AMN: variants seen among roughly 807,000 people sequenced by gnomAD.
AMN encodes the protein protein amnionless.
In AMN, 40 loss-of-function variants were observed where a neutral mutation model predicts 49.1. That is an observed-to-expected ratio of 0.81 (90% CI 0.63 to 1.06). AMN has a LOEUF of 1.06. Among genes scored for constraint, AMN ranks in the 50% least tolerant of loss-of-function variants. The probability of loss-of-function intolerance (pLI) is 0.00; values close to 1 mark genes in which losing one functional copy is unlikely to be tolerated. For synonymous variants in AMN, 380 were observed against 313.3 expected, an observed-to-expected ratio of 1.21 and a Z score of -2.25; for missense variants, 701 against 662.8, an observed-to-expected ratio of 1.06 and a Z score of -0.63.
At chr14:102,929,021 G>A (rs1160817413) in intron 5 of AMN, 46 bp downstream of exon 5, 1 of 1,594,520 alleles carries the variant, frequency 6.3e-7, no homozygotes, top group South Asian at 1.1e-5. Context: ...TCCCCACCTC[G>A]GCCCGACCCC....
In AMN at chr14:102,929,100, T is replaced by TG. The variant is rs749262808; in HGVS notation, c.514-17dup. The TG allele has an allele frequency of 4.4e-5, 70 of 1,597,520 alleles. No individual in the cohort carries two copies. The East Asian group carries it at 1.5e-3, about 35-fold the overall frequency. Reference sequence around the variant, plus strand: ...AGTCTCTTCCTCGGGCTGGCTCCGGTGGGGACCCGGCTGCCCGCAGACGTT... The same window carrying TG: ...AGTCTCTTCCTCGGGCTGGCTCCGGTGGGGGACCCGGCTGCCCGCAGACGTT... On this transcript the variant is annotated intron_variant, in intron 5 of 11. Coordinates refer to ENST00000299155, the MANE Select transcript of AMN (RefSeq NM_030943.4).
intron 3 of AMN, among the ~76,000 whole-genome samples, chr14:102,926,041 G>A (rs1891179775): frequency 6.6e-6 from 1 of 152,108 alleles, no homozygotes; most frequent in Non-Finnish European, 1.5e-5. Flanking sequence ...TTTCTTGTTG[G>A]GGGAGTCTCC....
chr14:102,929,821 C>T, intron 8 of AMN, 84 bp downstream of exon 8: 1 of 1,542,888 alleles, frequency 6.5e-7, no homozygotes, highest in South Asian at 1.2e-5. Flanking sequence ...TGCAGGGTCC[C>T]TGCGGCTGCT....
Position 102,930,046 on chromosome 14 carries a change from G to A in AMN, c.966G>A (p.Gly322=). The change falls in exon 9 of 12, where the codon GGG becomes GGA. Residue 322 remains glycine (G), a synonymous_variant. Coordinates refer to ENST00000299155, the MANE Select transcript of AMN (RefSeq NM_030943.4). ...ATGGGCCCGAGACAGGCGGAGCGGG[G>A]CGGCTGGCCCGGGCCCTCCTGGCGG... ...VENGPETGGA[G]RLARALLADV... The A allele has an allele frequency of 6.5e-7, 1 of 1,548,636 alleles. No individual in the cohort carries two copies. The highest frequency in any genetic ancestry group is 8.7e-7 in the Non-Finnish European group (1 of 1,147,200).
chr14:102,925,140 G>A (rs1039459936), intron 3 of AMN, among the ~76,000 whole-genome samples: 6 of 152,176 alleles, frequency 3.9e-5, no homozygotes, highest in African/African-American at 9.6e-5. Flanking sequence ...CCTGGGCTGC[G>A]TCCTCATCCT....
rs554429778 is a variant in AMN, at chr14:102,928,682, CGCGTG to C, written c.296-54_296-50del. The C allele has an allele frequency of 1.6e-3, 2,501 of 1,536,246 alleles. 13 individuals carry two copies. The highest frequency in any genetic ancestry group is 0.012 in the Middle Eastern group (71 of 5,806). ...CGGGGCTTGGGAGGTCGTGCTCAGA[CGCGTG>C]GCGTGGCGTGGCGTGGCGTGGTGTG... On this transcript the variant is annotated intron_variant, in intron 4 of 11. Coordinates refer to ENST00000299155, the MANE Select transcript of AMN (RefSeq NM_030943.4).
rs766844588 is a variant in AMN, at chr14:102,928,972, C to A, written c.510C>A (p.Gly170=). 1 of 1,598,548 alleles carries A rather than the reference C, an allele frequency of 6.3e-7. No individual in the cohort carries two copies. Among genetic ancestry groups the A allele is most frequent in the South Asian group, 1.1e-5 (1 of 90,992 alleles). ...GTGTCCGCAGCATCTCGGCTCTGGG[C>A]CGGGTGAGCACTGAGGGGAGGGAGG... ...PVRVRSISAL[G]RTFTRDEDLA... is the part of the protein sequence containing the mutation. Residue 170 remains glycine (G), a synonymous_variant, in exon 5 of 12, where the codon GGC becomes GGA. Coordinates refer to ENST00000299155, the MANE Select transcript of AMN (RefSeq NM_030943.4).
rs979465737 is a variant in AMN at position 102,928,770 on chromosome 14, T to C, written c.308T>C (p.Val103Ala). 1.2e-6 allele frequency: 2 copies of C among 1,608,376 alleles called. No individual in the cohort carries two copies. The highest frequency in any genetic ancestry group is 2.2e-5 in the East Asian group (1 of 44,850). ...HLDCGAGEPA[V>A]FRDSDRFSWH... The stretch of plus-strand genomic sequence containing the variant: ...TGCTCCGGCTCAGGCGAACCTGCCG[T>C]CTTCCGCGACTCTGACCGCTTCTCC... Residue 103 changes from valine (V) to alanine (A), a missense_variant, in exon 5 of 12, where the codon GTC becomes GCC. Transcript: ENST00000299155.
At position 102,930,694 on chromosome 14, in the gene AMN, C is replaced by CGTCG; in HGVS notation, c.*15_*18dup. 1 of 1,566,940 alleles carries CGTCG rather than the reference C, an allele frequency of 6.4e-7. No individual in the cohort carries two copies. Among genetic ancestry groups the CGTCG allele is most frequent in the African/African-American group, 1.4e-5 (1 of 73,878 alleles). On this transcript the variant is annotated 3_prime_UTR_variant, in exon 12 of 12. Transcript: ENST00000299155. ...GCCGAGGCCTGAGCGGCCGCCTGAC[C>CGTCG]GTCGACCTTGGGGCTCTCCACCCGC... is the stretch of plus-strand genomic sequence containing the variant.
chr14:102,923,516 T>C (rs2139300454), intron 1 of AMN, 195 bp from the exon 2 acceptor site: 4 of 616,760 alleles, frequency 6.5e-6, no homozygotes, highest in South Asian at 1.8e-5. Context: ...TAGAAGTCCG[T>C]TGGAGAGCGC....
intron 9 of AMN, 28 bp downstream of exon 9, chr14:102,930,114 G>A (rs1269034719): frequency 6.6e-7 from 1 of 1,505,938 alleles, no homozygotes; most frequent in Non-Finnish European, 8.8e-7. Flanking sequence ...ATCCCGCCCC[G>A]CCGCGCCTCG....
Position 102,923,751 on chromosome 14 carries a change from G to A in AMN, c.84G>A (p.Thr28=), listed in dbSNP as rs1466305742. Residue 28 remains threonine, a synonymous_variant, in exon 2 of 12, where the codon ACG becomes ACA. Coordinates refer to ENST00000299155, the MANE Select transcript of AMN (RefSeq NM_030943.4). ...QAVSKLWVPN[T]DFDVAANWSQ... is the part of the protein sequence containing the mutation. Reference sequence around the variant, plus strand: ...TCTCCAAACTCTGGGTCCCCAACACGGACTTCGACGTCGCAGCCAACTGGA... The same window carrying A: ...TCTCCAAACTCTGGGTCCCCAACACAGACTTCGACGTCGCAGCCAACTGGA... The A allele has an allele frequency of 1.9e-6, 3 of 1,612,668 alleles. No homozygotes were observed. The highest frequency in any genetic ancestry group is 2.5e-6 in the Non-Finnish European group (3 of 1,179,866).
chr14:102,929,645 C>T lies in AMN; in HGVS notation c.761-10C>T. Reference sequence around the variant, plus strand: ...GATCCACGGCGCTGACCCCTGCCCTCCCGCCGCAGGAGCCGTTGTGTTGCT... The same window carrying T: ...GATCCACGGCGCTGACCCCTGCCCTTCCGCCGCAGGAGCCGTTGTGTTGCT... On this transcript the variant is annotated splice_polypyrimidine_tract_variant and intron_variant, in intron 7 of 11. Transcript: ENST00000299155. 6 of 1,549,014 alleles carry T rather than the reference C, an allele frequency of 3.9e-6. No homozygotes were observed. The highest frequency in any genetic ancestry group is 5.2e-6 in the Non-Finnish European group (6 of 1,146,848).
At chr14:102,929,056 G>T in intron 5 of AMN, 65 bp from the exon 6 acceptor site, 2 of 1,597,032 alleles carry the variant, frequency 1.3e-6, no homozygotes, top group South Asian at 2.2e-5. Flanking sequence ...GCACACGTTG[G>T]GTCTGAGCAC....
Position 102,928,769 on chromosome 14 carries a change from G to T in AMN, c.307G>T (p.Val103Phe). The T allele has an allele frequency of 6.2e-7, 1 of 1,608,242 alleles. No individual in the cohort carries two copies. The highest frequency in any genetic ancestry group is 8.5e-7 in the Non-Finnish European group (1 of 1,179,702). Residue 103 changes from valine (V) to phenylalanine (F), a missense_variant, in exon 5 of 12, where the codon GTC (valine) becomes TTC (phenylalanine). Coordinates refer to ENST00000299155, the MANE Select transcript of AMN (RefSeq NM_030943.4). ...HLDCGAGEPA[V>F]FRDSDRFSWH... ...GTGCTCCGGCTCAGGCGAACCTGCC[G>T]TCTTCCGCGACTCTGACCGCTTCTC...
intron 1 of AMN, 143 bp downstream of exon 1, chr14:102,922,874 G>A (rs1352313082): frequency 2.2e-5 from 26 of 1,185,722 alleles, no homozygotes; most frequent in Middle Eastern, 2.9e-4. Flanking sequence ...GTGAAACTCG[G>A]CCCTGCCTCC....
At chr14:102,930,136 G>GCCTC (rs1566829154) in intron 9 of AMN, 29 bp from the exon 10 acceptor site, 7 of 1,502,266 alleles carry the variant, frequency 4.7e-6, no homozygotes, top group Non-Finnish European at 5.3e-6. Context: ...CCCGCCGCGG[G>GCCTC]GAAGACTGAG....
At position 102,930,713 on chromosome 14, in the gene AMN, CACCCG is replaced by C; in HGVS notation, c.*34_*38del. ...CCTGACCGTCGACCTTGGGGCTCTC[CACCCG>C]CTCTGGCCCCAGTCGAACTGGGGGC... is the stretch of plus-strand genomic sequence containing the variant. On this transcript the variant is annotated 3_prime_UTR_variant, in exon 12 of 12. Transcript: ENST00000299155. The C allele has an allele frequency of 3.6e-5, 56 of 1,551,940 alleles. No individual in the cohort carries two copies. Among genetic ancestry groups the C allele is most frequent in the Non-Finnish European group, 4.9e-5 (56 of 1,148,698 alleles).
intron 1 of AMN, chr14:102,923,277 C>T (rs1464576912): frequency 6.9e-6 from 2 of 291,076 alleles, no homozygotes; most frequent in Non-Finnish European, 1.3e-5. Flanking sequence ...TACCGGGTTG[C>T]GCTCTGTCGC....
Sources: allele counts gnomAD v4.1 joint callset (sites outside exome capture counted in the v4.1 genomes callset), GRCh38; gene constraint gnomAD v4.1.1; transcripts MANE v1.5; gene names NCBI Gene and HGNC (gene_info 2026-07-23, HGNC 2026-07-21).